The following SYNE3 variants were observed in gnomAD, a reference collection of about 807,000 sequenced individuals.
The protein encoded by SYNE3 is nesprin-3.
A neutral mutation model predicts 111.2 loss-of-function variants in SYNE3; 100 were observed. That is an observed-to-expected ratio of 0.90 (90% CI 0.77 to 1.06). The LOEUF (loss-of-function observed/expected upper bound fraction) is 1.06. SYNE3 is among the 50% of genes least tolerant of loss of function. The probability of loss-of-function intolerance (pLI) is 0.00; values close to 1 mark genes in which losing one functional copy is unlikely to be tolerated. For missense variants in SYNE3, 1,160 were observed against 1,240.3 expected, an observed-to-expected ratio of 0.94 and a Z score of 0.97; for synonymous variants, 547 against 533.9, an observed-to-expected ratio of 1.02 and a Z score of -0.34.
At chr14:95,426,378 A>G (rs1885428410) in intron 17 of SYNE3, among the ~76,000 whole-genome samples, 1 of 152,114 alleles carries the variant, frequency 6.6e-6, no homozygotes, top group South Asian at 2.1e-4. Context: ...CTGCCCCCGG[A>G]GTTCCACAGT....
At chr14:95,466,911 C>T (rs1003570708) in intron 3 of SYNE3, among the ~76,000 whole-genome samples, 3 of 152,222 alleles carry the variant, frequency 2.0e-5, no homozygotes, top group East Asian at 3.8e-4. Flanking sequence ...TGCTGCCCCA[C>T]TGACATCTGT....
chr14:95,511,542 T>C (rs927430480), intron 1 of SYNE3, among the ~76,000 whole-genome samples: 8 of 151,010 alleles, frequency 5.3e-5, no homozygotes, highest in African/African-American at 2.0e-4. Context: ...CTACTAAAAA[T>C]ACAAAAAAAT....
At chr14:95,432,244 G>T in intron 16 of SYNE3, 127 bp from the exon 17 acceptor site, 1 of 1,128,656 alleles carries the variant, frequency 8.9e-7, no homozygotes, top group Non-Finnish European at 1.3e-6. Context: ...AAAACTTCTG[G>T]TCATCTGGAC....
At position 95,470,730 on chromosome 14, in the gene SYNE3, C is replaced by T. The variant is rs1033347487; in HGVS notation, c.145-2763G>A. On this transcript the variant is annotated intron_variant, in intron 2 of 17. Transcript: ENST00000682763. The surrounding 1 kb of genome is among the most constrained non-coding windows in gnomAD (Gnocchi z 4.2). ...ATCCCAACACTTTGGGAGGCCGAGG[C>T]GGACAGATCACGAGGTCAGGAGTTT... 2.0e-5 allele frequency among the ~76,000 whole-genome samples: 3 copies of T among 152,198 alleles called. No individual in the cohort carries two copies. Among genetic ancestry groups the T allele is most frequent in the Non-Finnish European group, 2.9e-5 (2 of 68,022 alleles).
intron 17 of SYNE3, among the ~76,000 whole-genome samples, chr14:95,421,125 CTG>C (rs1885097257): frequency 6.6e-6 from 1 of 152,300 alleles, no homozygotes; most frequent in Middle Eastern, 3.4e-3. Flanking sequence ...CCACGTGGAA[CTG>C]TGAGTTCATT....
At chr14:95,444,104 G>C (rs961945568) in intron 10 of SYNE3, 4 of 267,412 alleles carry the variant, frequency 1.5e-5, no homozygotes, top group Non-Finnish European at 2.1e-5. Context: ...AATGATCAAC[G>C]GTCAGCCTAC....
chr14:95,494,525 AC>A (rs1385947641), intron 1 of SYNE3, among the ~76,000 whole-genome samples: 1 of 152,172 alleles, frequency 6.6e-6, no homozygotes, highest in Non-Finnish European at 1.5e-5. Flanking sequence ...AGGAGGCCAT[AC>A]TGGAGAGCAG....
chr14:95,465,341 G>GGTGGATAC (rs11282260), intron 4 of SYNE3, among the ~76,000 whole-genome samples: 1 of 151,460 alleles, frequency 6.6e-6, no homozygotes, highest in East Asian at 1.9e-4. Flanking sequence ...GGTAGATAAT[G>GGTGGATAC]GTGAGTGGGT....
rs920844427 is a variant in SYNE3, at chr14:95,500,046, G to C, written c.-15+16550C>G. Among the ~76,000 whole-genome samples the C allele has an allele frequency of 3.9e-5, 6 of 152,018 alleles. No homozygotes were observed. The South Asian group carries it at 1.0e-3, about 26-fold the overall frequency. On this transcript the variant is annotated intron_variant, in intron 1 of 17. Coordinates refer to ENST00000682763, the MANE Select transcript of SYNE3 (RefSeq NM_152592.6). This position sits in a 1 kb window ranked among gnomAD's most constrained non-coding sequence, Gnocchi z 4.7. ...GACTAATTTTTTTATTTTTAGTAGA[G>C]ACGGAGTTTCACCATGTTGGTCAGG...
At chr14:95,434,042 A>C (rs1404577949) in intron 15 of SYNE3, among the ~76,000 whole-genome samples, 1 of 152,006 alleles carries the variant, frequency 6.6e-6, no homozygotes, top group Non-Finnish European at 1.5e-5. Flanking sequence ...TGAGGAACGG[A>C]AAGTCATTTC....
At chr14:95,445,817 TGAG>T (rs1266757841) in intron 9 of SYNE3, 89 bp downstream of exon 9, 1 of 1,402,434 alleles carries the variant, frequency 7.1e-7, no homozygotes, top group African/African-American at 1.4e-5. Context: ...GCGGCAGAGC[TGAG>T]TTTAGAACAT....
chr14:95,483,422 T>C (rs1889371991), intron 1 of SYNE3, among the ~76,000 whole-genome samples: 1 of 152,124 alleles, frequency 6.6e-6, no homozygotes, highest in Non-Finnish European at 1.5e-5. Context: ...TTCCCACCCT[T>C]ATCCTCTCTT....
chr14:95,441,424 C>T (rs1317407036), intron 11 of SYNE3, among the ~76,000 whole-genome samples: 2 of 152,226 alleles, frequency 1.3e-5, no homozygotes, highest in East Asian at 3.8e-4. Context: ...ATACCTGCCC[C>T]CCAGGGGGAC....
chr14:95,432,979 C>A (rs193249933), intron 16 of SYNE3, among the ~76,000 whole-genome samples: 68 of 152,128 alleles, frequency 4.5e-4, no homozygotes, highest in Non-Finnish European at 8.7e-4. Context: ...ACAGGGCCCT[C>A]GGCTTGGGAG....
intron 1 of SYNE3, among the ~76,000 whole-genome samples, chr14:95,489,274 T>C (rs961968604): frequency 9.2e-5 from 14 of 152,196 alleles, no homozygotes; most frequent in African/African-American, 3.4e-4. Flanking sequence ...GGGGCCTCTC[T>C]CCCATCTCCT....
intron 1 of SYNE3, among the ~76,000 whole-genome samples, chr14:95,514,916 C>T (rs1890860404): frequency 6.6e-6 from 1 of 152,240 alleles, no homozygotes; most frequent in African/African-American, 2.4e-5. Flanking sequence ...GCTGCCCAGG[C>T]ATGGCCAGGT....
chr14:95,508,397 C>G (rs1890603753), intron 1 of SYNE3, among the ~76,000 whole-genome samples: 1 of 152,214 alleles, frequency 6.6e-6, no homozygotes. Context: ...GAAATATGGA[C>G]AGTATTGAGC....
chr14:95,499,357 C>A (rs1475371446), intron 1 of SYNE3, among the ~76,000 whole-genome samples: 1 of 152,172 alleles, frequency 6.6e-6, no homozygotes, highest in African/African-American at 2.4e-5. Flanking sequence ...CCTTCTCCAT[C>A]CATCTCTGCA....
Position 95,455,586 on chromosome 14 carries a change from C to G in SYNE3, c.928G>C (p.Glu310Gln), listed in dbSNP as rs1887377688. 6.2e-7 allele frequency: 1 copy of G among 1,614,098 alleles called. No individual in the cohort carries two copies. Among genetic ancestry groups the G allele is most frequent in the Non-Finnish European group, 8.5e-7 (1 of 1,180,044 alleles). ...TCCTCCCAGAGGGCGCGCAGCTTCTCCAGAACTTTCCTCATCTCTTCCAGT... is the reference window on the plus strand; with the variant it reads ...TCCTCCCAGAGGGCGCGCAGCTTCTGCAGAACTTTCCTCATCTCTTCCAGT... ...GELEEMRKVL[E>Q]KLRALWEEEE... Residue 310 changes from glutamate to glutamine, a missense_variant, in exon 6 of 18, where the codon GAG (glutamate) becomes CAG (glutamine). Coordinates refer to ENST00000682763, the MANE Select transcript of SYNE3 (RefSeq NM_152592.6).
Sources: gnomAD v4.1 joint callset for allele counts (sites outside exome capture counted in the v4.1 genomes callset) on GRCh38, gnomAD v4.1.1 for gene constraint, Gnocchi (gnomAD v3.1) non-coding constraint, MANE v1.5 for transcripts, NCBI Gene and HGNC (gene_info 2026-07-23, HGNC 2026-07-21) for gene names.